The following SLC24A4 variants were observed in gnomAD, a reference collection of about 807,000 sequenced individuals.
SLC24A4 encodes sodium/potassium/calcium exchanger 4.
In SLC24A4, 53 loss-of-function variants were observed where a neutral mutation model predicts 79.0. That is an observed-to-expected ratio of 0.67 (90% CI 0.54 to 0.84). The LOEUF (loss-of-function observed/expected upper bound fraction) is 0.84. Among genes scored for constraint, SLC24A4 ranks in the 40% least tolerant of loss-of-function variants. The pLI is 0.00. For missense variants in SLC24A4, 731 were observed against 822.0 expected (o/e 0.89, Z 1.35); for synonymous variants, 323 against 323.8 (o/e 1.00, Z 0.03).
chr14:92,486,754 T>A lies in SLC24A4; in HGVS notation c.1511T>A (p.Met504Lys). The stretch of plus-strand genomic sequence containing the variant: ...GCAGGGACAAGTGTTCCAGACTGCA[T>A]GGCCAGCCTAATTGTGGCGAGACAA... ...LAAGTSVPDC[M>K]ASLIVARQGL... The change falls in exon 14 of 17, where the codon ATG becomes AAG. Residue 504 changes from methionine (M) to lysine (K), a missense_variant. Met to Lys is a moderately conservative substitution (Grantham distance 95, BLOSUM62 -1). Transcript: ENST00000532405. 1.2e-6 allele frequency: 2 copies of A among 1,614,136 alleles called. No homozygotes were observed. Among genetic ancestry groups the A allele is most frequent in the South Asian group, 2.2e-5 (2 of 91,080 alleles).
intron 12 of SLC24A4, chr14:92,461,996 A>G (rs1317476524): frequency 1.3e-5 from 2 of 152,220 alleles, no homozygotes; most frequent in Non-Finnish European, 1.5e-5. Context: ...AGGCACTTTC[A>G]TTTAATCTTC....
At chr14:92,400,189 C>T (rs1261948388) in intron 2 of SLC24A4, among the ~76,000 whole-genome samples, 3 of 152,058 alleles carry the variant, frequency 2.0e-5, no homozygotes, top group Admixed American at 2.0e-4. Flanking sequence ...GCCTGTAATC[C>T]CAGCACTTTG....
chr14:92,491,876 C>T lies in SLC24A4; in HGVS notation c.1650+99C>T, dbSNP rs1463733590. Reference sequence around the variant, plus strand: ...GCTCTAGGAGACGACCTCCTCCTCTCCTTGGCACTCAGACACCCATTTTCC... The same window carrying T: ...GCTCTAGGAGACGACCTCCTCCTCTTCTTGGCACTCAGACACCCATTTTCC... On this transcript the variant is annotated intron_variant, in intron 15 of 16. Coordinates refer to ENST00000532405, the MANE Select transcript of SLC24A4 (RefSeq NM_153646.4). 5 of 915,640 alleles carry T rather than the reference C, an allele frequency of 5.5e-6. No individual in the cohort carries two copies. In the East Asian group the frequency reaches 1.2e-4, roughly 23 times the overall value. 56.7% of individuals were successfully genotyped at this position (915,640 alleles called of 1,614,324 possible). A position where few individuals can be genotyped will look rare whatever the true frequency, so the allele number is the denominator to read the frequency against.
chr14:92,425,986 C>A (rs1478198506), intron 2 of SLC24A4, among the ~76,000 whole-genome samples: 2 of 151,938 alleles, frequency 1.3e-5, no homozygotes, highest in Non-Finnish European at 2.9e-5. Context: ...CTGTTTCAAT[C>A]AATCAATCAA....
Position 92,445,301 on chromosome 14 carries a change from T to C in SLC24A4, c.658-16T>C, listed in dbSNP as rs1253786039. 7 of 1,614,034 alleles carry C rather than the reference T, an allele frequency of 4.3e-6. No individual in the cohort carries two copies. The highest frequency in any genetic ancestry group is 5.9e-6 in the Non-Finnish European group (7 of 1,179,976). ...TATGTCCCACCCACCTCAACTCTGT[T>C]TCTTTTGCCTTACAGTTCATATATG... On this transcript the variant is annotated splice_polypyrimidine_tract_variant and intron_variant, in intron 7 of 16. Coordinates refer to ENST00000532405, the MANE Select transcript of SLC24A4 (RefSeq NM_153646.4).
intron 2 of SLC24A4, among the ~76,000 whole-genome samples, chr14:92,332,459 G>A (rs1018800434): frequency 1.3e-5 from 2 of 152,296 alleles, no homozygotes; most frequent in South Asian, 4.2e-4. Flanking sequence ...TAAGGCAGGA[G>A]GATTGCTTCA....
At chr14:92,326,139 C>T (rs539451057) in intron 2 of SLC24A4, among the ~76,000 whole-genome samples, 161 bp downstream of exon 2, 2 of 152,326 alleles carry the variant, frequency 1.3e-5, no homozygotes, top group South Asian at 2.1e-4. Flanking sequence ...TAAAGACATT[C>T]GTCAATGGTG....
chr14:92,371,758 C>G (rs139375329), intron 2 of SLC24A4, among the ~76,000 whole-genome samples: 13 of 152,354 alleles, frequency 8.5e-5, no homozygotes, highest in Admixed American at 3.9e-4. Flanking sequence ...AAATGTCACC[C>G]CAGACAATGA....
chr14:92,446,714 TTA>T (rs1473263213), intron 8 of SLC24A4, among the ~76,000 whole-genome samples: 1 of 152,206 alleles, frequency 6.6e-6, no homozygotes, highest in Non-Finnish European at 1.5e-5. Flanking sequence ...GGGCTTTGGT[TTA>T]TATGTGTCAA....
chr14:92,402,535 A>G (rs1474994587), intron 2 of SLC24A4, among the ~76,000 whole-genome samples: 1 of 152,178 alleles, frequency 6.6e-6, no homozygotes, highest in Admixed American at 6.5e-5. Context: ...TAGAGTAACC[A>G]TTCTATATTA....
At chr14:92,455,607 G>A (rs1401084533) in intron 11 of SLC24A4, among the ~76,000 whole-genome samples, 2 of 152,190 alleles carry the variant, frequency 1.3e-5, no homozygotes, top group Non-Finnish European at 2.9e-5. Context: ...GGTTACCTCT[G>A]GAGTAGGGGT....
chr14:92,472,646 G>A (rs760388720), intron 12 of SLC24A4, among the ~76,000 whole-genome samples: 2 of 151,984 alleles, frequency 1.3e-5, no homozygotes, highest in Non-Finnish European at 2.9e-5. Context: ...ACATATATGT[G>A]CATATATGTA....
At chr14:92,416,831 A>G (rs990487761) in intron 2 of SLC24A4, among the ~76,000 whole-genome samples, 4 of 152,270 alleles carry the variant, frequency 2.6e-5, no homozygotes, top group Non-Finnish European at 5.9e-5. Flanking sequence ...AATAAGCACC[A>G]AGCCTAGAAG....
intron 4 of SLC24A4, among the ~76,000 whole-genome samples, chr14:92,440,710 G>C (rs973925906): frequency 4.6e-5 from 7 of 152,022 alleles, no homozygotes; most frequent in African/African-American, 1.7e-4. Flanking sequence ...CCAATGTCAA[G>C]GGCTTAGTGA....
chr14:92,357,250 C>T (rs548294766), intron 2 of SLC24A4, among the ~76,000 whole-genome samples: 2 of 151,404 alleles, frequency 1.3e-5, no homozygotes, highest in East Asian at 3.9e-4. Flanking sequence ...TCAGTACAGA[C>T]CCAGACAGAA....
intron 2 of SLC24A4, among the ~76,000 whole-genome samples, chr14:92,412,323 G>A (rs1890762274): frequency 6.6e-6 from 1 of 152,198 alleles, no homozygotes; most frequent in Non-Finnish European, 1.5e-5. Context: ...TTGGTTGTTT[G>A]TGTGGGACCA....
chr14:92,422,955 C>T (rs1891363453), intron 2 of SLC24A4, among the ~76,000 whole-genome samples: 1 of 151,962 alleles, frequency 6.6e-6, no homozygotes, highest in Admixed American at 6.6e-5. Context: ...AGCTCACAGG[C>T]ATGCACCACC....
intron 10 of SLC24A4, among the ~76,000 whole-genome samples, chr14:92,449,963 C>G (rs142694042): frequency 9.8e-5 from 15 of 152,356 alleles, no homozygotes; most frequent in Middle Eastern, 3.4e-3. Flanking sequence ...GACCAATGAC[C>G]AGGCGGCTCC....
At chr14:92,329,122 G>T (rs1411232307) in intron 2 of SLC24A4, among the ~76,000 whole-genome samples, 1 of 152,164 alleles carries the variant, frequency 6.6e-6, no homozygotes, top group Non-Finnish European at 1.5e-5. Context: ...CTTTAAGCTT[G>T]CCCCCATGAA....
Sources: allele counts gnomAD v4.1 joint callset (sites outside exome capture counted in the v4.1 genomes callset), GRCh38; gene constraint gnomAD v4.1.1; transcripts MANE v1.5; gene names NCBI Gene and HGNC (gene_info 2026-07-23, HGNC 2026-07-21).